Variants in TIAM2 observed in about 807,000 individuals in gnomAD.
TIAM2 encodes the protein rho guanine nucleotide exchange factor TIAM2.
Under a neutral mutation model 152.9 loss-of-function variants are expected in TIAM2, and 80 were observed. That is an observed-to-expected ratio of 0.52 (90% confidence interval 0.44 to 0.63). The LOEUF (loss-of-function observed/expected upper bound fraction) is 0.63. Among genes scored for constraint, TIAM2 ranks in the 30% least tolerant of loss-of-function variants. The pLI, the probability that TIAM2 is intolerant of heterozygous loss-of-function variation, is 0.00. For missense variants in TIAM2, 1,965 were observed against 2,120.1 expected, an observed-to-expected ratio of 0.93 and a Z score of 1.44; for synonymous variants, 804 against 838.0, an observed-to-expected ratio of 0.96 and a Z score of 0.70.
intron 2 of TIAM2, among the ~76,000 whole-genome samples, chr6:155,119,576 T>C (rs1469669800): frequency 1.3e-5 from 2 of 152,266 alleles, no homozygotes; most frequent in African/African-American, 4.8e-5. Flanking sequence ...TGTCCTCAAG[T>C]GATCTGCCTG....
intron 19 of TIAM2, among the ~76,000 whole-genome samples, chr6:155,246,545 A>T (rs760267158): frequency 6.6e-6 from 1 of 152,190 alleles, no homozygotes; most frequent in Non-Finnish European, 1.5e-5. Context: ...TGTGTTGCCC[A>T]GGCTGGTCTC....
intron 14 of TIAM2, among the ~76,000 whole-genome samples, chr6:155,199,689 C>T (rs1040593417): frequency 3.3e-5 from 5 of 152,002 alleles, no homozygotes; most frequent in Admixed American, 2.0e-4. Context: ...TTTTATGAAG[C>T]GAAAAAAGCA....
chr6:155,217,037 C>A, intron 15 of TIAM2: 2 of 1,288,730 alleles, frequency 1.6e-6, no homozygotes, highest in Non-Finnish European at 1.0e-6. Context: ...AGATGTGATC[C>A]GTTCTCCCAG....
In TIAM2 at chr6:155,186,403, G is replaced by A. The variant is rs528321640; in HGVS notation, c.3064+2903G>A. On this transcript the variant is annotated intron_variant, in intron 14 of 26. Transcript: ENST00000682666. This position sits in a 1 kb window ranked among gnomAD's most constrained non-coding sequence, Gnocchi z 4.5. ...AGCCTCGCTTTCACACCTCCCATGG[G>A]CTTCCTGCCCTTCTTGCCTCACTGT... 2.0e-4 allele frequency among the ~76,000 whole-genome samples: 30 copies of A among 152,126 alleles called. No homozygotes were observed. Among genetic ancestry groups the A allele is most frequent in the Non-Finnish European group, 3.7e-4 (25 of 68,006 alleles).
intron 1 of TIAM2, among the ~76,000 whole-genome samples, chr6:155,077,209 C>A (rs986140057): frequency 2.0e-5 from 3 of 150,734 alleles, no homozygotes; most frequent in African/African-American, 7.3e-5. Flanking sequence ...AGAACAGGAA[C>A]CCTATAGGCT....
intron 1 of TIAM2, among the ~76,000 whole-genome samples, chr6:155,059,286 GTGTGTGTC>G (rs1267642240): frequency 1.4e-3 from 87 of 64,134 alleles, no homozygotes; most frequent in African/African-American, 2.9e-3. Context: ...CCCTTTCTGT[GTGTGTGTC>G]TGTGTGTGTG....
chr6:155,113,260 G>A (rs1778903279), intron 2 of TIAM2, among the ~76,000 whole-genome samples: 1 of 151,944 alleles, frequency 6.6e-6, no homozygotes, highest in Non-Finnish European at 1.5e-5. Flanking sequence ...CCCTTTCCCT[G>A]AAATACACTT....
chr6:155,023,412 T>C (rs1282181546), intron 1 of TIAM2, among the ~76,000 whole-genome samples: 3 of 152,212 alleles, frequency 2.0e-5, no homozygotes, highest in Admixed American at 1.3e-4. Flanking sequence ...ATAACAGAGT[T>C]TGTCTTTGCA....
chr6:155,065,111 G>A lies in TIAM2; in HGVS notation c.-208-25178G>A, dbSNP rs1182708669. ...TGGGACTACAGGCACCCGACACCAC[G>A]CCCGGCTGATTTTTGTACTCTTAGT... On this transcript the variant is annotated intron_variant, in intron 1 of 26. Coordinates refer to ENST00000682666, the MANE Select transcript of TIAM2 (RefSeq NM_012454.4). 2.0e-5 allele frequency among the ~76,000 whole-genome samples: 3 copies of A among 152,080 alleles called. No individual in the cohort carries two copies. In the East Asian group the frequency reaches 5.8e-4, roughly 30 times the overall value.
At chr6:155,102,767 TTGTGTGTGTG>T (rs56117781) in intron 2 of TIAM2, among the ~76,000 whole-genome samples, 44,825 of 145,616 alleles carry the variant, frequency 0.31, 7,190 homozygotes, top group Admixed American at 0.39. Flanking sequence ...GATTAATTTA[TTGTGTGTGTG>T]TGTGTGTGTG....
intron 5 of TIAM2, among the ~76,000 whole-genome samples, chr6:155,138,143 T>C (rs1203980898): frequency 1.3e-5 from 2 of 152,218 alleles, no homozygotes; most frequent in African/African-American, 4.8e-5. Context: ...ACCCGGCCTA[T>C]TATAATGGTT....
chr6:155,247,575 G>A (rs1260866699), intron 19 of TIAM2, among the ~76,000 whole-genome samples: 1 of 152,138 alleles, frequency 6.6e-6, no homozygotes, highest in Non-Finnish European at 1.5e-5. Flanking sequence ...TGATCTGCCC[G>A]CCTCAGCCTC....
intron 15 of TIAM2, among the ~76,000 whole-genome samples, chr6:155,222,617 C>CA (rs916300239): frequency 1.2e-3 from 80 of 67,628 alleles, no homozygotes; most frequent in African/African-American, 4.8e-3. Flanking sequence ...AAAAAACAAA[C>CA]AAAAAAAAAA....
At chr6:155,240,854 CAAGG>C (rs1202450212) in intron 16 of TIAM2, 145 bp downstream of exon 16, 2 of 826,006 alleles carry the variant, frequency 2.4e-6, no homozygotes, top group Non-Finnish European at 3.7e-6. Flanking sequence ...GTGAATTGCT[CAAGG>C]AAGGGAGGGG....
chr6:155,178,287 G>A (rs569178805), intron 10 of TIAM2, among the ~76,000 whole-genome samples: 203 of 151,722 alleles, frequency 1.3e-3, no homozygotes, highest in Non-Finnish European at 2.2e-3. Flanking sequence ...GTGTGTGTGC[G>A]TACACATTTT....
At chr6:155,077,488 A>G (rs777241668) in intron 1 of TIAM2, among the ~76,000 whole-genome samples, 2 of 152,176 alleles carry the variant, frequency 1.3e-5, no homozygotes, top group Non-Finnish European at 2.9e-5. Context: ...AAAGGGTTTC[A>G]GTATTTGTTA....
At chr6:155,052,989 T>A (rs1777353483) in intron 1 of TIAM2, among the ~76,000 whole-genome samples, 1 of 151,874 alleles carries the variant, frequency 6.6e-6, no homozygotes, top group African/African-American at 2.4e-5. Flanking sequence ...ATCTGTTGAA[T>A]GAATGTGTAT....
chr6:155,250,012 G>T (rs1398772851), intron 21 of TIAM2, 43 bp downstream of exon 21: 2 of 1,501,414 alleles, frequency 1.3e-6, no homozygotes, highest in African/African-American at 2.8e-5. Flanking sequence ...TGCATGTGGT[G>T]TGGGGTCTGT....
At chr6:155,249,178 G>C (rs1450212111) in intron 20 of TIAM2, among the ~76,000 whole-genome samples, 2 of 152,162 alleles carry the variant, frequency 1.3e-5, no homozygotes. Flanking sequence ...AAAGAATACT[G>C]AATTTAGAAG....
Sources: gnomAD v4.1 joint callset for allele counts (sites outside exome capture counted in the v4.1 genomes callset) on GRCh38, gnomAD v4.1.1 for gene constraint, Gnocchi (gnomAD v3.1) non-coding constraint, MANE v1.5 for transcripts, NCBI Gene and HGNC (gene_info 2026-07-23, HGNC 2026-07-21) for gene names.